The following DNER variants were observed in gnomAD, a reference collection of about 807,000 sequenced individuals.
DNER encodes the protein delta and Notch-like epidermal growth factor-related receptor.
In DNER, 33 loss-of-function variants were observed where a neutral mutation model predicts 78.2. That is an observed-to-expected ratio of 0.42 (90% confidence interval 0.32 to 0.56). DNER has a LOEUF of 0.56. Among genes scored for constraint, DNER ranks in the 20% least tolerant of loss-of-function variants. The pLI, the probability that DNER is intolerant of heterozygous loss-of-function variation, is 0.11. For synonymous variants in DNER, 417 were observed against 384.8 expected (o/e 1.08, Z -0.98); for missense variants, 918 against 975.3 (o/e 0.94, Z 0.78).
chr2:229,586,897 T>C (rs549915199), intron 3 of DNER: 36 of 985,368 alleles, frequency 3.7e-5, no homozygotes, highest in Non-Finnish European at 4.2e-5. Flanking sequence ...TCAGTAAAGC[T>C]TTGATCAGTG....
chr2:229,522,832 G>A (rs1696128532), intron 5 of DNER, among the ~76,000 whole-genome samples: 1 of 152,144 alleles, frequency 6.6e-6, no homozygotes. Context: ...AGGAAGCCCT[G>A]CCATGTGCCA....
intron 1 of DNER, chr2:229,606,308 C>G (rs894065358): frequency 1.3e-5 from 2 of 152,188 alleles, no homozygotes; most frequent in African/African-American, 4.8e-5. Flanking sequence ...CTCTCACACA[C>G]ACACACACAT....
chr2:229,633,805 G>A (rs1698480519), intron 1 of DNER, among the ~76,000 whole-genome samples: 1 of 152,166 alleles, frequency 6.6e-6, no homozygotes, highest in Admixed American at 6.5e-5. Flanking sequence ...TCCAAGAGAG[G>A]TGCGCTCCAG....
At chr2:229,492,607 T>C (rs1320451149) in intron 6 of DNER, among the ~76,000 whole-genome samples, 1 of 152,210 alleles carries the variant, frequency 6.6e-6, no homozygotes, top group Non-Finnish European at 1.5e-5. Flanking sequence ...ATTGCTTCCA[T>C]GCTTCACACA....
At chr2:229,620,734 C>T (rs12986692) in intron 1 of DNER, among the ~76,000 whole-genome samples, 97,874 of 152,102 alleles carry the variant, frequency 0.64, 33,172 homozygotes, top group East Asian at 0.96. Context: ...TCCCATCCCT[C>T]GGTATGTCAG....
chr2:229,447,699 C>A (rs572322228), intron 7 of DNER, among the ~76,000 whole-genome samples, 159 bp from the exon 8 acceptor site: 4 of 152,216 alleles, frequency 2.6e-5, no homozygotes, highest in East Asian at 1.9e-4. Flanking sequence ...TTTTTCCCAC[C>A]TTTAGTAATG....
intron 1 of DNER, among the ~76,000 whole-genome samples, chr2:229,675,938 T>C (rs1319043170): frequency 6.6e-6 from 1 of 152,084 alleles, no homozygotes; most frequent in Non-Finnish European, 1.5e-5. Context: ...CACTGGTGCA[T>C]CGGGGACATC....
chr2:229,665,551 T>C (rs1699077736), intron 1 of DNER, among the ~76,000 whole-genome samples: 2 of 152,130 alleles, frequency 1.3e-5, no homozygotes, highest in African/African-American at 4.8e-5. Flanking sequence ...AACAGTGTCA[T>C]AAAAAAACTA....
intron 11 of DNER, among the ~76,000 whole-genome samples, chr2:229,382,994 G>A (rs1455751145): frequency 6.6e-6 from 1 of 152,160 alleles, no homozygotes; most frequent in Non-Finnish European, 1.5e-5. Context: ...AAGGAAAAAT[G>A]TTAAGGGCAG....
rs1420042850 is a variant in DNER, at chr2:229,393,752, C to G, written c.1724-5356G>C. ...GTCCCAGCTACTTAGGAGGCTGAGG[C>G]AGGAGAATGGCGTGAACCTGGGAGT... On this transcript the variant is annotated intron_variant, in intron 10 of 12. Coordinates refer to ENST00000341772, the MANE Select transcript of DNER (RefSeq NM_139072.4). 4.6e-5 allele frequency among the ~76,000 whole-genome samples: 7 copies of G among 152,004 alleles called. 1 individual carries two copies. Among genetic ancestry groups the G allele is most frequent in the Non-Finnish European group, 1.0e-4 (7 of 67,994 alleles).
At chr2:229,590,895 TTAG>T (rs1697591487) in intron 2 of DNER, among the ~76,000 whole-genome samples, 3 of 152,222 alleles carry the variant, frequency 2.0e-5, no homozygotes, top group Non-Finnish European at 4.4e-5. Flanking sequence ...CATGAAAGAC[TTAG>T]CACCGTCCCC....
At chr2:229,568,226 A>T (rs1697148371) in intron 4 of DNER, among the ~76,000 whole-genome samples, 1 of 151,968 alleles carries the variant, frequency 6.6e-6, no homozygotes, top group African/African-American at 2.4e-5. Context: ...TATTGTTTTA[A>T]TTTTTTTAGA....
At chr2:229,627,565 G>C (rs559374359) in intron 1 of DNER, among the ~76,000 whole-genome samples, 1 of 152,142 alleles carries the variant, frequency 6.6e-6, no homozygotes, top group Non-Finnish European at 1.5e-5. Context: ...CAAAACCAAG[G>C]AAGGAAATAA....
Position 229,512,819 on chromosome 2 carries a change from G to C in DNER, c.1111C>G (p.Gln371Glu), listed in dbSNP as rs779524622. Residue 371 changes from glutamine to glutamate, a missense_variant, in exon 6 of 13, where the codon CAA becomes GAA. Physicochemically the swap from Gln to Glu is conservative, Grantham distance 29. Coordinates refer to ENST00000341772, the MANE Select transcript of DNER (RefSeq NM_139072.4). ...NASCIDANEK[Q>E]DGSNFTCVCL... Reference sequence around the variant, plus strand: ...ACACAGGTGAAATTGCTCCCATCTTGCTTTTCATTTGCATCAATACAGCTC... The same window carrying C: ...ACACAGGTGAAATTGCTCCCATCTTCCTTTTCATTTGCATCAATACAGCTC... 6.2e-7 allele frequency: 1 copy of C among 1,614,116 alleles called. No homozygotes were observed. The highest frequency in any genetic ancestry group is 8.5e-7 in the Non-Finnish European group (1 of 1,179,998).
chr2:229,633,091 A>G lies in DNER; in HGVS notation c.277-41203T>C, dbSNP rs576968958. On this transcript the variant is annotated intron_variant, in intron 1 of 12. Transcript: ENST00000341772. ...ATGAGACAATAAGTAAATAAGTGAC[A>G]TAAGTAATCTTTAATTTCATAAGAG... Among the ~76,000 whole-genome samples the G allele has an allele frequency of 6.9e-4, 105 of 152,368 alleles. 1 individual carries two copies. The highest frequency in any genetic ancestry group is 1.9e-3 in the South Asian group (9 of 4,834).
intron 1 of DNER, among the ~76,000 whole-genome samples, chr2:229,674,364 C>T (rs1402124912): frequency 1.3e-5 from 2 of 152,128 alleles, no homozygotes; most frequent in Non-Finnish European, 2.9e-5. Context: ...CTGCAACCTC[C>T]GCCTCCTGGG....
rs116271571 is a variant in DNER, at chr2:229,441,781, G to A, written c.1486+5535C>T. Among the ~76,000 whole-genome samples, 483 of 152,206 alleles carry A rather than the reference G, an allele frequency of 3.2e-3. 4 individuals are homozygous for A. The highest frequency in any genetic ancestry group is 0.011 in the African/African-American group (442 of 41,526). On this transcript the variant is annotated intron_variant, in intron 8 of 12. Transcript: ENST00000341772. ...CTCTGAATGGTCATATCCAATATCC[G>A]TGTTATGTGGAATTGTTGATGTTCT...
intron 5 of DNER, among the ~76,000 whole-genome samples, chr2:229,522,308 C>A (rs989042030): frequency 1.3e-5 from 2 of 152,198 alleles, no homozygotes; most frequent in African/African-American, 2.4e-5. Flanking sequence ...CAGCTTCCAG[C>A]CATATACTGG....
chr2:229,620,789 TG>T (rs1698240201), intron 1 of DNER, among the ~76,000 whole-genome samples: 1 of 152,124 alleles, frequency 6.6e-6, no homozygotes, highest in Non-Finnish European at 1.5e-5. Context: ...GGTGATGAGA[TG>T]AAAAAGAGGC....
Sources: allele counts gnomAD v4.1 joint callset (sites outside exome capture counted in the v4.1 genomes callset), GRCh38; gene constraint gnomAD v4.1.1; transcripts MANE v1.5; gene names NCBI Gene and HGNC (gene_info 2026-07-23, HGNC 2026-07-21).